STEAP1B: variants seen among roughly 807,000 people sequenced by gnomAD.
The protein encoded by STEAP1B is STEAP family member 1B, also known as STEAP family protein MGC87042.
In STEAP1B, 13 loss-of-function variants were observed where a neutral mutation model predicts 27.9. The observed-to-expected ratio is 0.47, with a 90% CI of 0.30 to 0.74. The LOEUF (loss-of-function observed/expected upper bound fraction) is 0.74, where lower values mean the gene tolerates loss of function less well. Ranked by LOEUF, STEAP1B falls within the 30% of genes least tolerant of loss-of-function variation. STEAP1B has a pLI of 0.06. For synonymous variants in STEAP1B, 86 were observed against 107.1 expected (o/e 0.80, Z 1.22); for missense variants, 250 against 298.7 (o/e 0.84, Z 1.20).
At chr7:22,428,754 G>A (rs371971612) in intron 4 of STEAP1B, among the ~76,000 whole-genome samples, 9 of 151,870 alleles carry the variant, frequency 5.9e-5, no homozygotes, top group South Asian at 2.1e-4. Flanking sequence ...AGTGAGCCAC[G>A]GCACTCCAGC....
intron 4 of STEAP1B, among the ~76,000 whole-genome samples, chr7:22,453,469 A>G (rs1785523392): frequency 6.6e-6 from 1 of 152,212 alleles, no homozygotes. Context: ...GTTGAGATGG[A>G]AAGGACCAAG....
At chr7:22,450,267 G>T (rs1034360306) in intron 4 of STEAP1B, among the ~76,000 whole-genome samples, 1 of 152,204 alleles carries the variant, frequency 6.6e-6, no homozygotes, top group African/African-American at 2.4e-5. Flanking sequence ...ATGTCCTGGA[G>T]AGTTTCTTCA....
chr7:22,485,087 G>T (rs190862540), intron 4 of STEAP1B, among the ~76,000 whole-genome samples: 4 of 152,234 alleles, frequency 2.6e-5, no homozygotes, highest in African/African-American at 9.6e-5. Flanking sequence ...AATGACAAAA[G>T]ATTTAGAATA....
chr7:22,444,532 A>G (rs1404213009), intron 4 of STEAP1B, among the ~76,000 whole-genome samples: 1 of 152,202 alleles, frequency 6.6e-6, no homozygotes, highest in Non-Finnish European at 1.5e-5. Context: ...CTCTTTGCAG[A>G]CACACTACTC....
chr7:22,448,186 T>C (rs1177002485), intron 4 of STEAP1B, among the ~76,000 whole-genome samples: 2 of 152,196 alleles, frequency 1.3e-5, no homozygotes, highest in African/African-American at 4.8e-5. Flanking sequence ...GACTTCAAGT[T>C]TCCCTTCCCG....
At chr7:22,489,622 C>T (rs1198244395) in intron 4 of STEAP1B, among the ~76,000 whole-genome samples, 1 of 152,100 alleles carries the variant, frequency 6.6e-6, no homozygotes, top group African/African-American at 2.4e-5. Flanking sequence ...AGCATGTGAC[C>T]GTGAAGGCAG....
intron 4 of STEAP1B, among the ~76,000 whole-genome samples, chr7:22,458,691 G>T (rs1453003966): frequency 1.3e-5 from 2 of 152,194 alleles, no homozygotes. Flanking sequence ...AAGAAGCTTG[G>T]AGGGGAACTA....
intron 4 of STEAP1B, among the ~76,000 whole-genome samples, chr7:22,485,303 C>A (rs1786182908): frequency 6.6e-6 from 1 of 152,222 alleles, no homozygotes. Flanking sequence ...CCTTTAGCAA[C>A]CTCCACCCTA....
At chr7:22,434,825 G>C (rs1230742974) in intron 4 of STEAP1B, among the ~76,000 whole-genome samples, 1 of 152,130 alleles carries the variant, frequency 6.6e-6, no homozygotes, top group Admixed American at 6.5e-5. Context: ...ATAATAAATA[G>C]TCAAAATAAG....
chr7:22,468,843 A>G (rs1785831662), intron 4 of STEAP1B, among the ~76,000 whole-genome samples: 1 of 152,242 alleles, frequency 6.6e-6, no homozygotes, highest in Admixed American at 6.5e-5. Flanking sequence ...CACATTATTC[A>G]CGTGTTTGTT....
intron 4 of STEAP1B, among the ~76,000 whole-genome samples, chr7:22,473,133 T>C (rs1265386363): frequency 2.0e-5 from 3 of 152,158 alleles, no homozygotes; most frequent in Admixed American, 6.5e-5. Context: ...ATTACCGCAC[T>C]GACCAGGACA....
At chr7:22,422,672 T>A (rs553168648) in intron 4 of STEAP1B, among the ~76,000 whole-genome samples, 9 of 152,294 alleles carry the variant, frequency 5.9e-5, no homozygotes, top group Non-Finnish European at 1.2e-4. Context: ...TTTTTGTATT[T>A]TTAGTAGAGA....
chr7:22,488,271 G>A (rs1033910339), intron 4 of STEAP1B, among the ~76,000 whole-genome samples: 2 of 152,320 alleles, frequency 1.3e-5, no homozygotes, highest in East Asian at 3.9e-4. Flanking sequence ...CCACAGTGTG[G>A]CAGAGGATAC....
At position 22,491,352 on chromosome 7, in the gene STEAP1B, A is replaced by C. The variant is rs1786318113; in HGVS notation, c.762+1213T>G. ...ATATAAGCCATTGTCCTTGCCTTTA[A>C]GAAGTTTGCAGTATGGATGGCTAGA... On this transcript the variant is annotated intron_variant, in intron 4 of 4. Coordinates refer to ENST00000678116, the MANE Select transcript of STEAP1B (RefSeq NM_001382447.1). Among the ~76,000 whole-genome samples, 3 of 152,236 alleles carry C rather than the reference A, an allele frequency of 2.0e-5. No homozygotes were observed. In the South Asian group the frequency reaches 6.2e-4, roughly 32 times the overall value.
intron 4 of STEAP1B, among the ~76,000 whole-genome samples, chr7:22,485,139 G>T (rs1054191016): frequency 1.2e-4 from 18 of 152,228 alleles, no homozygotes; most frequent in Admixed American, 9.2e-4. Flanking sequence ...GGATCTGAGA[G>T]GATTGATTCC....
chr7:22,439,822 C>T (rs1323597400), intron 4 of STEAP1B, among the ~76,000 whole-genome samples: 1 of 151,986 alleles, frequency 6.6e-6, no homozygotes, highest in African/African-American at 2.4e-5. Flanking sequence ...TGTGGCAGAG[C>T]TTATATGAAG....
intron 4 of STEAP1B, 119 bp from the exon 5 acceptor site, chr7:22,419,955 A>C: frequency 8.1e-7 from 1 of 1,227,686 alleles, no homozygotes; most frequent in Non-Finnish European, 1.1e-6. Flanking sequence ...GCTTTTCTAA[A>C]GTCACCAGGG....
At chr7:22,456,952 C>CTATATATATATATATATATA (rs199847360) in intron 4 of STEAP1B, among the ~76,000 whole-genome samples, 27 of 73,188 alleles carry the variant, frequency 3.7e-4, no homozygotes, top group African/African-American at 6.2e-4. Context: ...GGATAGGCAG[C>CTATATATATATATATATATA]TATATATATA....
chr7:22,451,168 G>A (rs1173950757), intron 4 of STEAP1B, among the ~76,000 whole-genome samples: 1 of 150,450 alleles, frequency 6.6e-6, no homozygotes, highest in African/African-American at 2.5e-5. Flanking sequence ...CTGTACTCCA[G>A]CATGGGCGAC....
Sources: gnomAD v4.1 joint callset for allele counts (sites outside exome capture counted in the v4.1 genomes callset) on GRCh38, gnomAD v4.1.1 for gene constraint, MANE v1.5 for transcripts, NCBI Gene and HGNC (gene_info 2026-07-23, HGNC 2026-07-21) for gene names.